ELF1: variants seen among roughly 807,000 people sequenced by gnomAD.
ELF1 encodes the protein ETS-related transcription factor Elf-1.
Under a neutral mutation model 59.9 loss-of-function variants are expected in ELF1, and 24 were observed. That is an observed-to-expected ratio of 0.40 (90% CI 0.29 to 0.56). ELF1 has a LOEUF of 0.56. Among genes scored for constraint, ELF1 ranks in the 20% least tolerant of loss-of-function variants. The pLI, the probability that ELF1 is intolerant of heterozygous loss-of-function variation, is 0.44. For missense variants in ELF1, 627 were observed against 742.2 expected, an observed-to-expected ratio of 0.84 and a Z score of 1.80; for synonymous variants, 248 against 266.2, an observed-to-expected ratio of 0.93 and a Z score of 0.67.
chr13:40,955,080 A>G (rs2138177835), intron 3 of ELF1, among the ~76,000 whole-genome samples: 1 of 148,034 alleles, frequency 6.8e-6, no homozygotes, highest in African/African-American at 2.5e-5. Flanking sequence ...GGATGTGAGG[A>G]GCGTCTCTGC....
At chr13:41,042,379 T>C (rs980798914) in intron 1 of ELF1, among the ~76,000 whole-genome samples, 2 of 152,158 alleles carry the variant, frequency 1.3e-5, no homozygotes, top group Admixed American at 6.6e-5. Flanking sequence ...CACATATGTA[T>C]ACATGTGCCA....
chr13:40,970,374 TCTC>T (rs1360730806), intron 2 of ELF1, among the ~76,000 whole-genome samples: 1 of 152,136 alleles, frequency 6.6e-6, no homozygotes, highest in African/African-American at 2.4e-5. Flanking sequence ...CTAATACAGG[TCTC>T]CTAGTCACTT....
In ELF1 at chr13:40,968,084, T is replaced by C. The variant is rs74719973; in HGVS notation, c.73-9068A>G. On this transcript the variant is annotated intron_variant, in intron 2 of 8. Transcript: ENST00000239882. ...TCAACTAAAAGCAAATGTTGATACA[T>C]ATGTGTGTTCACTTTGTGAAAATTC... Among the ~76,000 whole-genome samples the C allele has an allele frequency of 6.8e-3, 1,033 of 152,340 alleles. 9 individuals are homozygous for C. Among genetic ancestry groups the C allele is most frequent in the African/African-American group, 0.024 (985 of 41,576 alleles).
At chr13:40,944,075 TA>T in intron 5 of ELF1, 150 bp from the exon 6 acceptor site, 1 of 661,842 alleles carries the variant, frequency 1.5e-6, no homozygotes, top group South Asian at 2.2e-5. Flanking sequence ...TGCTGTTTAC[TA>T]AAAGGAAAAC....
intron 3 of ELF1, among the ~76,000 whole-genome samples, chr13:40,955,745 G>A (rs1593360327): frequency 8.0e-6 from 1 of 124,636 alleles, no homozygotes; most frequent in East Asian, 2.7e-4. Context: ...CCCCCCGCCC[G>A]GCCAGCCGCC....
intron 1 of ELF1, among the ~76,000 whole-genome samples, chr13:41,053,283 G>A (rs1321496094): frequency 1.3e-5 from 2 of 152,008 alleles, no homozygotes; most frequent in Non-Finnish European, 2.9e-5. Flanking sequence ...GAACCCGGGA[G>A]GCAGAGCTTG....
intron 1 of ELF1, among the ~76,000 whole-genome samples, chr13:41,018,002 C>CAA (rs1875516312): frequency 6.6e-6 from 1 of 152,128 alleles, no homozygotes; most frequent in Non-Finnish European, 1.5e-5. Flanking sequence ...ACAATCCTTA[C>CAA]AAAAGAGTAA....
At chr13:41,014,634 C>T (rs543069780) in intron 1 of ELF1, among the ~76,000 whole-genome samples, 2 of 152,238 alleles carry the variant, frequency 1.3e-5, no homozygotes, top group South Asian at 4.1e-4. Flanking sequence ...TGGAAACTGT[C>T]CTAATCATTG....
chr13:40,961,728 T>C (rs1181990029), intron 2 of ELF1, among the ~76,000 whole-genome samples: 1 of 152,218 alleles, frequency 6.6e-6, no homozygotes, highest in Non-Finnish European at 1.5e-5. Flanking sequence ...ACTTTTCCTT[T>C]TCTTCTCTTC....
At chr13:41,059,784 G>A (rs1877429617) in intron 1 of ELF1, among the ~76,000 whole-genome samples, 1 of 152,136 alleles carries the variant, frequency 6.6e-6, no homozygotes, top group Admixed American at 6.5e-5. Flanking sequence ...GTGAAACTTT[G>A]TTTTAACGTC....
At chr13:40,954,860 CG>C (rs1413060532) in intron 3 of ELF1, among the ~76,000 whole-genome samples, 3 of 142,202 alleles carry the variant, frequency 2.1e-5, no homozygotes, top group Non-Finnish European at 3.1e-5. Context: ...AGCCTCTGCC[CG>C]GCCGCCACCC....
intron 8 of ELF1, among the ~76,000 whole-genome samples, chr13:40,936,760 C>CA (rs368388366): frequency 0.61 from 46,427 of 76,728 alleles, 13,816 homozygotes; most frequent in Non-Finnish European, 0.7. Flanking sequence ...GACTCCGTCT[C>CA]AAAAAAAAAA....
At chr13:40,985,560 T>C (rs1873507644) in intron 1 of ELF1, among the ~76,000 whole-genome samples, 1 of 152,194 alleles carries the variant, frequency 6.6e-6, no homozygotes, top group Admixed American at 6.5e-5. Flanking sequence ...AACGCATATG[T>C]AAAAAATTTT....
chr13:40,983,230 G>A (rs1725436616), intron 1 of ELF1, among the ~76,000 whole-genome samples: 1 of 152,094 alleles, frequency 6.6e-6, no homozygotes, highest in South Asian at 2.1e-4. Context: ...AATAACATTA[G>A]TTCTTTGAAT....
At chr13:40,947,428 G>C (rs1315561682) in intron 5 of ELF1, among the ~76,000 whole-genome samples, 1 of 152,198 alleles carries the variant, frequency 6.6e-6, no homozygotes. Context: ...TTTAATCCCA[G>C]CTACCTGGGA....
rs1274000534 is a variant in ELF1, at chr13:40,982,220, A to G, written c.-166T>C. 1.5e-6 allele frequency: 2 copies of G among 1,302,036 alleles called. No individual in the cohort carries two copies. The highest frequency in any genetic ancestry group is 2.0e-6 in the Non-Finnish European group (2 of 1,024,124). The allele number at this position is 1,302,036 out of a possible 1,614,324, so 80.7% of individuals were successfully genotyped here. On this transcript the variant is annotated 5_prime_UTR_variant, in exon 2 of 9. An upstream start codon of the reference 5' UTR is lost. Coordinates refer to ENST00000239882, the MANE Select transcript of ELF1 (RefSeq NM_172373.4). ...GAAGGTGCTTCAGTTTTCCTGGTTC[A>G]TTGATATTCTAGTCAAATTGAGACA...
At chr13:40,968,874 C>A (rs1274894445) in intron 2 of ELF1, among the ~76,000 whole-genome samples, 1 of 152,048 alleles carries the variant, frequency 6.6e-6, no homozygotes, top group Non-Finnish European at 1.5e-5. Context: ...CATGTGCCAC[C>A]ACACCCAGCT....
chr13:41,010,280 A>T (rs1487351291), intron 1 of ELF1, among the ~76,000 whole-genome samples: 1 of 70,712 alleles, frequency 1.4e-5, no homozygotes, highest in Non-Finnish European at 3.3e-5. Context: ...GAAAGAAAGG[A>T]AAAAAAAAAA....
chr13:40,939,532 C>A (rs1870001266), intron 8 of ELF1, among the ~76,000 whole-genome samples: 1 of 152,086 alleles, frequency 6.6e-6, no homozygotes, highest in Non-Finnish European at 1.5e-5. Flanking sequence ...ATGGGAGGAA[C>A]CACACACTCC....
Sources: gnomAD v4.1 joint callset for allele counts (sites outside exome capture counted in the v4.1 genomes callset) on GRCh38, gnomAD v4.1.1 for gene constraint, MANE v1.5 for transcripts, NCBI Gene and HGNC (gene_info 2026-07-23, HGNC 2026-07-21) for gene names.